ADGB: variants seen among roughly 807,000 people sequenced by gnomAD.
ADGB encodes the protein calpain-7-like protein.
Under a neutral mutation model 210.5 loss-of-function variants are expected in ADGB, and 172 were observed. The observed-to-expected ratio is 0.82, with a 90% CI of 0.72 to 0.93. ADGB has a LOEUF of 0.93. Ranked by LOEUF, ADGB falls within the 40% of genes least tolerant of loss-of-function variation. The pLI is 0.00. For missense variants in ADGB, 2,025 were observed against 1,964.8 expected, an observed-to-expected ratio of 1.03 and a Z score of -0.58; for synonymous variants, 658 against 662.7, an observed-to-expected ratio of 0.99 and a Z score of 0.11.
intron 24 of ADGB, 146 bp from the exon 25 acceptor site, chr6:146,740,972 T>C: frequency 1.8e-6 from 1 of 563,454 alleles, no homozygotes; most frequent in Non-Finnish European, 2.9e-6. Flanking sequence ...AACATATTAA[T>C]AGTAATTTTT....
At chr6:146,792,368 A>G (rs887067888) in intron 33 of ADGB, among the ~76,000 whole-genome samples, 1 of 152,114 alleles carries the variant, frequency 6.6e-6, no homozygotes, top group African/African-American at 2.4e-5. Flanking sequence ...ATGTTTTTCT[A>G]TTTATTTATG....
Position 146,769,005 on chromosome 6 carries a change from C to T in ADGB, c.3751-15C>T. On this transcript the variant is annotated splice_polypyrimidine_tract_variant and intron_variant, in intron 28 of 35. Coordinates refer to ENST00000397944, the MANE Select transcript of ADGB (RefSeq NM_024694.4). ...ATGTTCTTATCATTTTTAAACACTGCATTTTATTTCACAGAATTACAAGTA... is the reference window on the plus strand; with the variant it reads ...ATGTTCTTATCATTTTTAAACACTGTATTTTATTTCACAGAATTACAAGTA... The T allele has an allele frequency of 7.4e-7, 1 of 1,345,200 alleles. No homozygotes were observed. The highest frequency in any genetic ancestry group is 1.0e-6 in the Non-Finnish European group (1 of 979,404). The allele number at this position is 1,345,200 out of a possible 1,614,324, so 83.3% of individuals were successfully genotyped here. A position where few individuals can be genotyped will look rare whatever the true frequency, so the allele number is the denominator to read the frequency against.
chr6:146,753,867 C>A (rs1777362090), intron 27 of ADGB, among the ~76,000 whole-genome samples: 1 of 151,440 alleles, frequency 6.6e-6, no homozygotes, highest in South Asian at 2.1e-4. Flanking sequence ...CTATGTGCAC[C>A]CGTACAATTA....
intron 1 of ADGB, among the ~76,000 whole-genome samples, chr6:146,608,185 T>C (rs903617855): frequency 1.3e-5 from 2 of 152,124 alleles, no homozygotes; most frequent in African/African-American, 2.4e-5. Context: ...TTTGTTTGCA[T>C]AGAGCTGTTT....
chr6:146,636,548 A>G (rs983185856), intron 2 of ADGB, among the ~76,000 whole-genome samples: 1 of 152,028 alleles, frequency 6.6e-6, no homozygotes, highest in African/African-American at 2.4e-5. Context: ...GAAAATTGGC[A>G]TATTCTATGT....
intron 33 of ADGB, among the ~76,000 whole-genome samples, chr6:146,799,589 A>G (rs1583644918): frequency 7.6e-6 from 1 of 131,384 alleles, no homozygotes; most frequent in Non-Finnish European, 1.6e-5. Flanking sequence ...GCAGGGAGGG[A>G]GAGAGGGAGA....
chr6:146,648,203 T>G (rs1347254724), intron 3 of ADGB, among the ~76,000 whole-genome samples: 1 of 152,114 alleles, frequency 6.6e-6, no homozygotes, highest in East Asian at 1.9e-4. Context: ...TATCTCTCTT[T>G]TATTTACCTT....
In ADGB at chr6:146,663,181, T is replaced by TAA. The variant is rs1490666801; in HGVS notation, c.613-1020_613-1019insAA. Among the ~76,000 whole-genome samples the TAA allele has an allele frequency of 4.1e-3, 585 of 141,436 alleles. 8 individuals carry two copies. Among genetic ancestry groups the TAA allele is most frequent in the East Asian group, 0.028 (141 of 5,032 alleles). 92.8% of individuals were successfully genotyped at this position (141,436 alleles called of 152,430 possible). On this transcript the variant is annotated intron_variant, in intron 5 of 35. Transcript: ENST00000397944. Reference sequence around the variant, plus strand: ...ATATATATTTATTATATATTATATATTATATATAATAATATTAAGGTTTTT... The same window carrying TAA: ...ATATATATTTATTATATATTATATATAATATATATAATAATATTAAGGTTTTT...
rs539179571 is a variant in ADGB at position 146,657,368 on chromosome 6, A to G, written c.612+388A>G. ...AAAGAGAGAGAAGGAAGGAAGGAAG[A>G]AAGGAAGGTTGCCTTGCACACCATT... On this transcript the variant is annotated intron_variant, in intron 5 of 35. Transcript: ENST00000397944. Among the ~76,000 whole-genome samples, 206 of 152,062 alleles carry G rather than the reference A, an allele frequency of 1.4e-3. 1 individual carries two copies. Among genetic ancestry groups the G allele is most frequent in the African/African-American group, 4.8e-3 (200 of 41,520 alleles).
rs555533043 is a variant in ADGB, at chr6:146,788,430, A to C, written c.4357A>C (p.Asn1453His). 1.3e-6 allele frequency: 2 copies of C among 1,551,594 alleles called. No individual in the cohort carries two copies. The highest frequency in any genetic ancestry group is 2.4e-5 in the South Asian group (2 of 84,062). The change falls in exon 33 of 36, where the codon AAT (asparagine) becomes CAT (histidine). Residue 1453 changes from asparagine to histidine, a missense_variant. By Grantham distance (68) the Asn-to-His change is moderately conservative. Transcript: ENST00000397944. The part of the protein sequence containing the change: ...ARGVKEPNSK[N>H]SAGSESKEMT... ...TGGCGTAAAAGAACCAAACTCAAAG[A>C]ATTCTGCAGGTTCAGAGAGCAAAGA...
chr6:146,775,877 G>A (rs1777714385), intron 29 of ADGB, among the ~76,000 whole-genome samples: 1 of 151,756 alleles, frequency 6.6e-6, no homozygotes, highest in Non-Finnish European at 1.5e-5. Flanking sequence ...AACTGTACTT[G>A]ATAAATATAT....
chr6:146,812,743 C>A (rs1778320519), intron 35 of ADGB, among the ~76,000 whole-genome samples: 1 of 152,168 alleles, frequency 6.6e-6, no homozygotes, highest in African/African-American at 2.4e-5. Flanking sequence ...GATTGCAGAT[C>A]TAAAGTTTTC....
intron 27 of ADGB, among the ~76,000 whole-genome samples, chr6:146,754,611 T>C (rs1314275216): frequency 6.7e-6 from 1 of 148,950 alleles, no homozygotes; most frequent in Non-Finnish European, 1.5e-5. Context: ...TGGGCTATGA[T>C]TTATTTTTTA....
In ADGB at chr6:146,784,793, A is replaced by C. The variant is rs2114646963; in HGVS notation, c.4211A>C (p.Lys1404Thr). ...ACAACTGAGCCAGGAAGAGCAATCAAGGTCACCTGATTTCGAAAAGCTGTC... is the reference window on the plus strand; with the variant it reads ...ACAACTGAGCCAGGAAGAGCAATCACGGTCACCTGATTTCGAAAAGCTGTC... Reference protein sequence around the residue: ...WETTEPGRAIKASQARLHYLS... With the variant: ...WETTEPGRAITASQARLHYLS... Residue 1404 changes from lysine to threonine, a missense_variant and splice_region_variant, in exon 31 of 36, where the codon AAG (lysine) becomes ACG (threonine). Transcript: ENST00000397944. 6.5e-7 allele frequency: 1 copy of C among 1,541,808 alleles called. No individual in the cohort carries two copies. Among genetic ancestry groups the C allele is most frequent in the East Asian group, 2.5e-5 (1 of 40,764 alleles).
At chr6:146,661,705 A>T (rs1255685125) in intron 5 of ADGB, among the ~76,000 whole-genome samples, 1 of 151,798 alleles carries the variant, frequency 6.6e-6, no homozygotes, top group Non-Finnish European at 1.5e-5. Flanking sequence ...ATGCTTTCTC[A>T]TTCTTGATGT....
At chr6:146,709,880 C>T (rs901454667) in intron 13 of ADGB, among the ~76,000 whole-genome samples, 2 of 152,082 alleles carry the variant, frequency 1.3e-5, no homozygotes, top group South Asian at 4.1e-4. Context: ...GTTGCTATAA[C>T]CTTTCACCAA....
At chr6:146,802,997 A>G in intron 35 of ADGB, 3 of 1,608,752 alleles carry the variant, frequency 1.9e-6, no homozygotes, top group Non-Finnish European at 2.5e-6. Context: ...AGTTTAAACC[A>G]ACTATAACAT....
chr6:146,805,147 T>A (rs1265109163), intron 35 of ADGB, among the ~76,000 whole-genome samples: 1 of 152,196 alleles, frequency 6.6e-6, no homozygotes, highest in Non-Finnish European at 1.5e-5. Context: ...ACCTCTACCA[T>A]GATTATTACA....
intron 1 of ADGB, among the ~76,000 whole-genome samples, chr6:146,621,191 CT>C (rs1335262237): frequency 7.2e-5 from 11 of 152,080 alleles, no homozygotes; most frequent in Non-Finnish European, 1.6e-4. Flanking sequence ...TAATTCTGAT[CT>C]TTTAGTTTTT....
Sources: gnomAD v4.1 joint callset for allele counts (sites outside exome capture counted in the v4.1 genomes callset) on GRCh38, gnomAD v4.1.1 for gene constraint, MANE v1.5 for transcripts, NCBI Gene and HGNC (gene_info 2026-07-23, HGNC 2026-07-21) for gene names.